The following ARID4A variants were observed in gnomAD, a reference collection of about 807,000 sequenced individuals.
ARID4A encodes the protein AT-rich interaction domain 4A.
Under a neutral mutation model 148.6 loss-of-function variants are expected in ARID4A, and 39 were observed. The ratio of observed to expected loss-of-function variants is 0.26; its 90% CI spans 0.20 to 0.34. The LOEUF (loss-of-function observed/expected upper bound fraction) is 0.34. Among genes scored for constraint, ARID4A ranks in the 10% least tolerant of loss-of-function variants. The pLI is 1.00. For synonymous variants in ARID4A, 475 were observed against 481.2 expected (o/e 0.99, Z 0.17); for missense variants, 1,265 against 1,449.1 (o/e 0.87, Z 2.06).
intron 12 of ARID4A, among the ~76,000 whole-genome samples, chr14:58,345,796 A>T (rs1331101155): frequency 1.4e-5 from 2 of 138,520 alleles, no homozygotes; most frequent in East Asian, 2.1e-4. Context: ...GGTGGCGTGA[A>T]CATGGCTCCC....
chr14:58,329,895 A>G (rs534350015), intron 10 of ARID4A, 108 bp from the exon 11 acceptor site: 2 of 1,502,708 alleles, frequency 1.3e-6, no homozygotes, highest in South Asian at 1.4e-5. Flanking sequence ...CATTTTATAA[A>G]TGACAGCCGA....
chr14:58,354,096 T>C (rs956303273), intron 17 of ARID4A, among the ~76,000 whole-genome samples: 2 of 152,058 alleles, frequency 1.3e-5, no homozygotes, highest in Admixed American at 1.3e-4. Flanking sequence ...TCATTTATAG[T>C]GAGGGAGAAC....
intron 17 of ARID4A, among the ~76,000 whole-genome samples, chr14:58,356,978 C>T (rs532983561): frequency 3.3e-5 from 5 of 152,246 alleles, no homozygotes; most frequent in African/African-American, 7.2e-5. Flanking sequence ...GGATTACAGG[C>T]GTGAGCCACT....
rs1279696057 is a variant in ARID4A, at chr14:58,346,458, C to G, written c.1027C>G (p.Leu343Val). The G allele has an allele frequency of 6.2e-7, 1 of 1,610,376 alleles. No homozygotes were observed. Among genetic ancestry groups the G allele is most frequent in the East Asian group, 2.2e-5 (1 of 44,506 alleles). Reference protein sequence around the residue: ...PPVLGYKDLNLFKLFRLVYHQ... With the variant: ...PPVLGYKDLNVFKLFRLVYHQ... ...TGTTTTGGGCTATAAAGATCTCAAT[C>G]TCTTCAAACTCTTCAGACTGGTTTA... The change falls in exon 13 of 24, where the codon CTC becomes GTC. Residue 343 changes from leucine (L) to valine (V), a missense_variant. Coordinates refer to ENST00000355431, the MANE Select transcript of ARID4A (RefSeq NM_002892.4).
At chr14:58,343,771 A>C (rs1399434082) in intron 11 of ARID4A, among the ~76,000 whole-genome samples, 2 of 152,028 alleles carry the variant, frequency 1.3e-5, no homozygotes, top group African/African-American at 4.8e-5. Flanking sequence ...CAGAGGCTGC[A>C]GTGAGCCGAG....
Position 58,364,848 on chromosome 14 carries a change from A to G in ARID4A, c.2759A>G (p.Gln920Arg). Residue 920 changes from glutamine to arginine, a missense_variant, in exon 20 of 24, where the codon CAA becomes CGA. By Grantham distance (43) the Gln-to-Arg change is conservative (BLOSUM62 1). Around this residue, in one of 9 missense-constraint regions of ARID4A, gnomAD observed 666 missense variants for 730.9 expected, o/e 0.91. Transcript: ENST00000355431. ...CCATCATTGATAGCAGAGTCAAACC[A>G]ATGCATCCAACAACTGACTAGTGAA... ...GMPSLIAESN[Q>R]CIQQLTSERF... The G allele has an allele frequency of 1.2e-6, 2 of 1,614,152 alleles. No individual in the cohort carries two copies. The highest frequency in any genetic ancestry group is 1.7e-6 in the Non-Finnish European group (2 of 1,180,024).
At chr14:58,308,317 ATG>A (rs1471459481) in intron 5 of ARID4A, among the ~76,000 whole-genome samples, 2 of 152,236 alleles carry the variant, frequency 1.3e-5, no homozygotes, top group Non-Finnish European at 2.9e-5. Context: ...GCTTAGAAAA[ATG>A]AGGATTTGAG....
chr14:58,299,771 T>C, intron 1 of ARID4A, 27 bp from the exon 2 acceptor site: 7 of 1,591,202 alleles, frequency 4.4e-6, no homozygotes, highest in Non-Finnish European at 6.0e-6. Flanking sequence ...TGATTATGTC[T>C]GTGCCTGTCT....
In ARID4A at chr14:58,373,202, T is replaced by A; in HGVS notation, c.*1213T>A. 5.0e-6 allele frequency: 1 copy of A among 200,546 alleles called. No homozygotes were observed. The allele number at this position is 200,546 out of a possible 1,614,324, so 12.4% of individuals were successfully genotyped here. On this transcript the variant is annotated 3_prime_UTR_variant, in exon 24 of 24. Coordinates refer to ENST00000355431, the MANE Select transcript of ARID4A (RefSeq NM_002892.4). Reference sequence around the variant, plus strand: ...TATGTTTGCTATACTGCCGAATGAATTTATATCTCCCAAAGTTGAGATGCA... The same window carrying A: ...TATGTTTGCTATACTGCCGAATGAAATTATATCTCCCAAAGTTGAGATGCA...
intron 23 of ARID4A, among the ~76,000 whole-genome samples, chr14:58,368,658 G>C (rs1283952373): frequency 6.6e-6 from 1 of 151,704 alleles, no homozygotes; most frequent in Non-Finnish European, 1.5e-5. Flanking sequence ...GAAATGCTTG[G>C]GTCTAGAAGT....
intron 1 of ARID4A, 45 bp from the exon 2 acceptor site, chr14:58,299,753 C>A: frequency 6.5e-7 from 1 of 1,531,672 alleles, no homozygotes; most frequent in Non-Finnish European, 9.0e-7. Context: ...TCGCTCCCCG[C>A]AGTTGACTGA....
At chr14:58,354,699 A>C (rs569391777) in intron 17 of ARID4A, among the ~76,000 whole-genome samples, 2 of 151,736 alleles carry the variant, frequency 1.3e-5, no homozygotes, top group South Asian at 4.2e-4. Context: ...AAAAAAAAAA[A>C]AAAAGAAAAA....
intron 5 of ARID4A, among the ~76,000 whole-genome samples, chr14:58,317,313 C>T (rs1455763540): frequency 2.2e-5 from 3 of 138,870 alleles, no homozygotes; most frequent in African/African-American, 8.1e-5. Flanking sequence ...GGGACGGAGT[C>T]TTGCTCTGTC....
chr14:58,298,572 G>C lies in ARID4A; in HGVS notation c.-186G>C, dbSNP rs774945153. The C allele has an allele frequency of 2.6e-5, 4 of 153,054 alleles. No homozygotes were observed. Among genetic ancestry groups the C allele is most frequent in the Non-Finnish European group, 5.9e-5 (4 of 68,312 alleles). The allele number at this position is 153,054 out of a possible 1,614,324, so 9.5% of individuals were successfully genotyped here. ...ATTTGGTGGATTGTGGCAGTAAATC[G>C]GGGCGAGTGGGGAACCCGGCGCAGG... On this transcript the variant is annotated 5_prime_UTR_variant, in exon 1 of 24. Coordinates refer to ENST00000355431, the MANE Select transcript of ARID4A (RefSeq NM_002892.4).
intron 19 of ARID4A, among the ~76,000 whole-genome samples, chr14:58,362,995 T>C (rs1343072444): frequency 6.6e-6 from 1 of 152,234 alleles, no homozygotes; most frequent in Non-Finnish European, 1.5e-5. Context: ...CCTTCCTCTT[T>C]ACTGCCATCT....
chr14:58,347,688 T>C lies in ARID4A; in HGVS notation c.1214T>C (p.Ile405Thr). 6.2e-7 allele frequency: 1 copy of C among 1,611,822 alleles called. No individual in the cohort carries two copies. Among genetic ancestry groups the C allele is most frequent in the Non-Finnish European group, 8.5e-7 (1 of 1,179,076 alleles). Residue 405 changes from isoleucine to threonine, a missense_variant, in exon 15 of 24, where the codon ATT becomes ACT. Ile to Thr is a moderately conservative substitution (Grantham distance 89, BLOSUM62 -1). Transcript: ENST00000355431. The stretch of plus-strand genomic sequence containing the variant: ...GAGGAGTACTGCCGTTCGGCAAATA[T>C]TCAGTTCAGAACTGTTCATCACCAT... ...GFEEYCRSANIQFRTVHHHEP... is the reference protein window; with the variant it reads ...GFEEYCRSANTQFRTVHHHEP...
At chr14:58,299,487 G>T in intron 1 of ARID4A, 1 of 212,074 alleles carries the variant, frequency 4.7e-6, no homozygotes, top group Non-Finnish European at 9.5e-6. Context: ...AAGCCCGAAG[G>T]GAGCTCTGGC....
At chr14:58,359,979 T>C (rs576319663) in intron 18 of ARID4A, among the ~76,000 whole-genome samples, 3 of 150,224 alleles carry the variant, frequency 2.0e-5, no homozygotes, top group Non-Finnish European at 4.4e-5. Flanking sequence ...GGCAGGAGAA[T>C]GGCGTGAACC....
intron 10 of ARID4A, 52 bp downstream of exon 10, chr14:58,329,656 A>C: frequency 2.8e-6 from 4 of 1,425,906 alleles, no homozygotes; most frequent in Non-Finnish European, 4.0e-6. Flanking sequence ...TCTATTTGGA[A>C]AATAGCAAAT....
Sources: gnomAD v4.1 joint callset for allele counts (sites outside exome capture counted in the v4.1 genomes callset) on GRCh38, gnomAD v4.1.1 for gene constraint, gnomAD v4.1.1 regional missense constraint, MANE v1.5 for transcripts, NCBI Gene and HGNC (gene_info 2026-07-23, HGNC 2026-07-21) for gene names.